The following CD99L2 variants were observed in gnomAD, a reference collection of about 807,000 sequenced individuals.
CD99L2 encodes the protein CD99 molecule like 2.
Under a neutral mutation model 27.3 loss-of-function variants are expected in CD99L2, and 24 were observed. The ratio of observed to expected loss-of-function variants is 0.88; its 90% CI spans 0.64 to 1.24. The LOEUF (loss-of-function observed/expected upper bound fraction) is 1.24, where lower values mean the gene tolerates loss of function less well. CD99L2 is among the 50% of genes most tolerant of loss of function. The probability of loss-of-function intolerance (pLI) is 0.00; values close to 1 mark genes in which losing one functional copy is unlikely to be tolerated. For synonymous variants in CD99L2, 97 were observed against 87.9 expected (o/e 1.10, Z -0.58); for missense variants, 255 against 221.6 (o/e 1.15, Z -0.96).
intron 1 of CD99L2, among the ~76,000 whole-genome samples, chrX:150,886,435 C>G (rs2047410684): frequency 8.9e-6 from 1 of 112,402 alleles, no homozygotes; most frequent in African/African-American, 3.2e-5. Flanking sequence ...CTTTGTATTA[C>G]AACTGCCTAC....
rs2043327315 is a variant in CD99L2 at position 150,767,222 on chromosome X, A to T, written c.*1812T>A. 1 of 111,915 alleles carries T rather than the reference A, an allele frequency of 8.9e-6. No homozygotes were observed. Among genetic ancestry groups the T allele is most frequent in the African/African-American group, 3.3e-5 (1 of 30,738 alleles). The allele number at this position is 111,915 out of a possible 1,213,427, so 9.2% of individuals were successfully genotyped here. ...TATCAGGGAGGGACAAGCCTGACAAAGTTCACAATCTGGCCAATGAGTGTG... is the reference window on the plus strand; with the variant it reads ...TATCAGGGAGGGACAAGCCTGACAATGTTCACAATCTGGCCAATGAGTGTG... On this transcript the variant is annotated 3_prime_UTR_variant, in exon 11 of 11. Transcript: ENST00000370377.
At chrX:150,780,379 G>C (rs2045490602) in intron 7 of CD99L2, among the ~76,000 whole-genome samples, 1 of 112,229 alleles carries the variant, frequency 8.9e-6, no homozygotes, top group Admixed American at 9.4e-5. Flanking sequence ...AGCTGCTATG[G>C]AAAACAGTTT....
At chrX:150,776,103 C>T (rs1557419248) in intron 9 of CD99L2, 71 bp downstream of exon 9, 1 of 1,153,790 alleles carries the variant, frequency 8.7e-7, no homozygotes, top group East Asian at 3.0e-5. Context: ...GGATCTGGAT[C>T]TGTCCTGGCC....
At chrX:150,894,883 C>T (rs1389931097) in intron 1 of CD99L2, among the ~76,000 whole-genome samples, 1 of 111,607 alleles carries the variant, frequency 9.0e-6, no homozygotes, top group African/African-American at 3.3e-5. Context: ...GCCACTGCGC[C>T]CGGCCCCCTC....
chrX:150,793,032 C>T (rs2045719849), intron 7 of CD99L2, among the ~76,000 whole-genome samples: 1 of 111,737 alleles, frequency 8.9e-6, no homozygotes, highest in Non-Finnish European at 1.9e-5. Context: ...ACACACATAA[C>T]ATTTTATAGA....
At chrX:150,772,269 A>G (rs933504111) in intron 9 of CD99L2, among the ~76,000 whole-genome samples, 6 of 112,784 alleles carry the variant, frequency 5.3e-5, no homozygotes, top group Non-Finnish European at 1.1e-4. Flanking sequence ...GGAGGGGGCA[A>G]GGCGAGCTGG....
Position 150,777,912 on chromosome X carries a change from C to G in CD99L2, c.497-430G>C, listed in dbSNP as rs782403493. On this transcript the variant is annotated intron_variant, in intron 7 of 10. Transcript: ENST00000370377. ...GACGTAGCCACTGCCTCAACTATAGCTGAAGTTGCTCTTGGAACATAAACA... is the reference window on the plus strand; with the variant it reads ...GACGTAGCCACTGCCTCAACTATAGGTGAAGTTGCTCTTGGAACATAAACA... 6.2e-5 allele frequency among the ~76,000 whole-genome samples: 7 copies of G among 112,387 alleles called. No individual in the cohort carries two copies. The East Asian group carries it at 1.1e-3, about 18-fold the overall frequency.
intron 1 of CD99L2, among the ~76,000 whole-genome samples, chrX:150,890,404 G>A (rs954328439): frequency 7.2e-5 from 8 of 111,582 alleles, no homozygotes; most frequent in African/African-American, 9.8e-5. Context: ...ATTTGAACCC[G>A]GGAGGCGGAG....
intron 1 of CD99L2, among the ~76,000 whole-genome samples, chrX:150,851,847 A>G (rs1199567758): frequency 9.0e-6 from 1 of 111,726 alleles, no homozygotes; most frequent in Non-Finnish European, 1.9e-5. Context: ...CTTTGATCAC[A>G]TTGGGCCCAC....
At chrX:150,841,145 A>C (rs1230700236) in intron 1 of CD99L2, among the ~76,000 whole-genome samples, 1 of 112,362 alleles carries the variant, frequency 8.9e-6, no homozygotes, top group Non-Finnish European at 1.9e-5. Context: ...CCAAGTGTTC[A>C]GCAAAGATGA....
chrX:150,854,906 C>G (rs782685280), intron 1 of CD99L2, among the ~76,000 whole-genome samples: 247 of 110,723 alleles, frequency 2.2e-3, no homozygotes, highest in Middle Eastern at 4.6e-3. Context: ...CTGCTGCCCC[C>G]CCTCCCCCCG....
At chrX:150,775,888 G>A (rs1557419239) in intron 9 of CD99L2, among the ~76,000 whole-genome samples, 2 of 112,397 alleles carry the variant, frequency 1.8e-5, no homozygotes, top group Admixed American at 9.3e-5. Flanking sequence ...CATCACAGTG[G>A]TCACTGAGCT....
intron 7 of CD99L2, among the ~76,000 whole-genome samples, chrX:150,792,217 T>C (rs1052675646): frequency 8.9e-6 from 1 of 112,279 alleles, no homozygotes; most frequent in Non-Finnish European, 1.9e-5. Flanking sequence ...AGTTCAAATA[T>C]GAGCCTAATT....
intron 4 of CD99L2, among the ~76,000 whole-genome samples, chrX:150,804,543 G>C (rs782178261): frequency 2.9e-4 from 32 of 110,230 alleles, no homozygotes; most frequent in Non-Finnish European, 5.1e-4. Context: ...TCAGGAGTTC[G>C]AGAACAGCCT....
intron 9 of CD99L2, among the ~76,000 whole-genome samples, chrX:150,770,850 C>A (rs1455503090): frequency 3.5e-5 from 4 of 112,786 alleles, no homozygotes; most frequent in African/African-American, 1.3e-4. Context: ...CAACATGCAG[C>A]CTCCCAGCAA....
At chrX:150,802,711 C>T (rs1489149890) in intron 4 of CD99L2, among the ~76,000 whole-genome samples, 16 of 94,127 alleles carry the variant, frequency 1.7e-4, no homozygotes, top group East Asian at 7.2e-4. Flanking sequence ...CCTCCTGAGT[C>T]GCTGGGACTA....
chrX:150,780,425 C>T (rs898851868), intron 7 of CD99L2, among the ~76,000 whole-genome samples: 6 of 111,944 alleles, frequency 5.4e-5, no homozygotes, highest in Non-Finnish European at 3.8e-5. Flanking sequence ...GGAGTTACAA[C>T]ATGACTAACA....
At chrX:150,824,070 G>GGAGGAA (rs2046284431) in intron 2 of CD99L2, among the ~76,000 whole-genome samples, 1 of 93,711 alleles carries the variant, frequency 1.1e-5, no homozygotes, top group African/African-American at 4.2e-5. Flanking sequence ...AGGAAGAGGA[G>GGAGGAA]GAGGAAGAGG....
chrX:150,769,673 C>CTT (rs1557418905), intron 10 of CD99L2, among the ~76,000 whole-genome samples: 2 of 95,533 alleles, frequency 2.1e-5, no homozygotes, highest in Admixed American at 2.4e-4. Flanking sequence ...CCTAGTCTCC[C>CTT]TGCCTGCGCC....
Sources: gnomAD v4.1 joint callset for allele counts (sites outside exome capture counted in the v4.1 genomes callset) on GRCh38, gnomAD v4.1.1 for gene constraint, MANE v1.5 for transcripts, NCBI Gene and HGNC (gene_info 2026-07-23, HGNC 2026-07-21) for gene names.